TRAF2: variants seen among roughly 807,000 people sequenced by gnomAD.
The protein encoded by TRAF2 is TNF receptor-associated factor 2.
TRAF2 carries 6 observed loss-of-function variants against 55.6 expected under a neutral mutation model. The ratio of observed to expected loss-of-function variants is 0.11; its 90% CI spans 0.06 to 0.21. The LOEUF (loss-of-function observed/expected upper bound fraction) is 0.21. TRAF2 is among the 10% of genes least tolerant of loss of function. The pLI is 1.00. For synonymous variants in TRAF2, 329 were observed against 276.3 expected, an observed-to-expected ratio of 1.19 and a Z score of -1.89; for missense variants, 561 against 684.5, an observed-to-expected ratio of 0.82 and a Z score of 2.01.
chr9:136,921,374 G>T (rs1850380969), intron 9 of TRAF2, among the ~76,000 whole-genome samples, 159 bp downstream of exon 9: 1 of 152,198 alleles, frequency 6.6e-6, no homozygotes, highest in East Asian at 1.9e-4. Context: ...GGCAAGTGGG[G>T]TAGCTGAATA....
intron 1 of TRAF2, among the ~76,000 whole-genome samples, chr9:136,892,277 C>T (rs949890078): frequency 1.3e-5 from 2 of 151,616 alleles, no homozygotes; most frequent in African/African-American, 4.8e-5. Flanking sequence ...TCCTGGCTAA[C>T]ACGGTGAAAC....
intron 4 of TRAF2, chr9:136,900,739 T>C (rs1849801751): frequency 1.7e-6 from 1 of 574,280 alleles, no homozygotes; most frequent in African/African-American, 1.9e-5. Flanking sequence ...GCTTGGGCTG[T>C]GTGACCTCGG....
At chr9:136,887,508 CAG>C (rs1462672579) in intron 1 of TRAF2, among the ~76,000 whole-genome samples, 3 of 152,074 alleles carry the variant, frequency 2.0e-5, no homozygotes, top group Non-Finnish European at 2.9e-5. Flanking sequence ...GTAGGGCCGA[CAG>C]GGGGTGGGGT....
At chr9:136,884,044 C>T (rs918527960), upstream of TRAF2, among the ~76,000 whole-genome samples, 2 of 151,720 alleles carry the variant, frequency 1.3e-5, no homozygotes, top group Admixed American at 6.6e-5. Flanking sequence ...AGAATGGTCT[C>T]GATCTCTTGA....
At chr9:136,913,467 T>A (rs1037054588) in intron 6 of TRAF2, among the ~76,000 whole-genome samples, 4 of 151,604 alleles carry the variant, frequency 2.6e-5, no homozygotes, top group African/African-American at 9.7e-5. Context: ...CCGGCTAATT[T>A]TTTGTATTTT....
At position 136,909,903 on chromosome 9, in the gene TRAF2, G is replaced by A. The variant is rs770346132; in HGVS notation, c.529-17G>A. 7 of 1,613,872 alleles carry A rather than the reference G, an allele frequency of 4.3e-6. No individual in the cohort carries two copies. Among genetic ancestry groups the A allele is most frequent in the Admixed American group, 1.7e-5 (1 of 59,970 alleles). On this transcript the variant is annotated splice_polypyrimidine_tract_variant and intron_variant, in intron 5 of 10. Coordinates refer to ENST00000247668, the MANE Select transcript of TRAF2 (RefSeq NM_021138.4). ...CATTGGCGTCCACCCTCACACTCCTGATCCCTTCTTTTGAAGGCGCACCAC... is the reference window on the plus strand; with the variant it reads ...CATTGGCGTCCACCCTCACACTCCTAATCCCTTCTTTTGAAGGCGCACCAC...
intron 4 of TRAF2, 57 bp downstream of exon 4, chr9:136,900,577 A>C: frequency 7.1e-7 from 1 of 1,410,802 alleles, no homozygotes; most frequent in Non-Finnish European, 1.0e-6. Context: ...GGAGTCGTCC[A>C]CGCTCCCCAA....
intron 6 of TRAF2, among the ~76,000 whole-genome samples, chr9:136,912,017 T>C (rs1217557990): frequency 3.3e-5 from 5 of 151,116 alleles, no homozygotes; most frequent in Non-Finnish European, 5.9e-5. Context: ...GCCCGGCTAA[T>C]TTTGTTTTTG....
At chr9:136,908,619 C>T (rs1010182123) in intron 5 of TRAF2, among the ~76,000 whole-genome samples, 4 of 152,114 alleles carry the variant, frequency 2.6e-5, no homozygotes, top group African/African-American at 7.2e-5. Flanking sequence ...GTAATCCCAG[C>T]ACTTTGGGAG....
upstream of TRAF2, among the ~76,000 whole-genome samples, chr9:136,883,884 C>A (rs970443241): frequency 2.7e-5 from 4 of 147,636 alleles, no homozygotes; most frequent in African/African-American, 1.0e-4. Flanking sequence ...TGTAGTGGCG[C>A]AATCTCGGCT....
intron 10 of TRAF2, among the ~76,000 whole-genome samples, chr9:136,925,056 TATTATTTTGTGGA>T (rs1411144347): frequency 4.6e-5 from 7 of 152,220 alleles, no homozygotes; most frequent in African/African-American, 1.7e-4. Flanking sequence ...AATCAGAATC[TATTATTTTGTGGA>T]ATTGAAGATG....
At chr9:136,895,696 A>G (rs1849664911) in intron 1 of TRAF2, among the ~76,000 whole-genome samples, 1 of 152,034 alleles carries the variant, frequency 6.6e-6, no homozygotes, top group Non-Finnish European at 1.5e-5. Context: ...AAAAATACAA[A>G]AAATTAGCCA....
At chr9:136,891,060 G>A (rs1849571861) in intron 1 of TRAF2, among the ~76,000 whole-genome samples, 1 of 152,044 alleles carries the variant, frequency 6.6e-6, no homozygotes, top group African/African-American at 2.4e-5. Flanking sequence ...TGGGACCACA[G>A]ATGCATGCCA....
At chr9:136,893,499 C>T (rs1698824344) in intron 1 of TRAF2, among the ~76,000 whole-genome samples, 1 of 152,208 alleles carries the variant, frequency 6.6e-6, no homozygotes, top group Admixed American at 6.5e-5. Flanking sequence ...TTCCCCAGTC[C>T]TGTATGCGGC....
intron 1 of TRAF2, among the ~76,000 whole-genome samples, chr9:136,888,145 A>G (rs1849495643): frequency 6.6e-6 from 1 of 152,208 alleles, no homozygotes; most frequent in Non-Finnish European, 1.5e-5. Flanking sequence ...TGCTAGGATT[A>G]CAGGCATGAG....
At chr9:136,894,892 C>T (rs1849649624) in intron 1 of TRAF2, among the ~76,000 whole-genome samples, 2 of 152,266 alleles carry the variant, frequency 1.3e-5, no homozygotes, top group South Asian at 4.1e-4. Context: ...GCGGGAGGAT[C>T]GCTTGAGCCC....
chr9:136,889,097 G>A (rs1044849768), intron 1 of TRAF2, among the ~76,000 whole-genome samples: 3 of 152,102 alleles, frequency 2.0e-5, no homozygotes, highest in Non-Finnish European at 2.9e-5. Flanking sequence ...ATCTGATCTC[G>A]TGATCCGCCC....
chr9:136,886,332 G>C, upstream of TRAF2: 1 of 933,942 alleles, frequency 1.1e-6, no homozygotes, highest in Non-Finnish European at 1.3e-6. Context: ...GGCTCCTGCG[G>C]GCTCGCTGGT....
intron 1 of TRAF2, among the ~76,000 whole-genome samples, chr9:136,897,050 A>G (rs1849696306): frequency 6.6e-6 from 1 of 152,138 alleles, no homozygotes; most frequent in African/African-American, 2.4e-5. Flanking sequence ...CCCAACCCTG[A>G]CCAGGCCCCT....
Sources: allele counts gnomAD v4.1 joint callset (sites outside exome capture counted in the v4.1 genomes callset), GRCh38; gene constraint gnomAD v4.1.1; transcripts MANE v1.5; gene names NCBI Gene and HGNC (gene_info 2026-07-23, HGNC 2026-07-21).